Variants in TLN2 observed in about 807,000 individuals in gnomAD.
The protein encoded by TLN2 is talin-2.
Under a neutral mutation model 294.7 loss-of-function variants are expected in TLN2, and 118 were observed. The observed-to-expected ratio is 0.40, with a 90% confidence interval of 0.34 to 0.47. The LOEUF (loss-of-function observed/expected upper bound fraction) is 0.47, where lower values mean the gene tolerates loss of function less well. Among genes scored for constraint, TLN2 ranks in the 20% least tolerant of loss-of-function variants. TLN2 has a pLI of 0.84. For synonymous variants in TLN2, 1,431 were observed against 1,304.5 expected (o/e 1.10, Z -2.09); for missense variants, 3,083 against 3,282.2 (o/e 0.94, Z 1.48).
At chr15:62,619,846 T>A (rs557238224) in intron 3 of TLN2, among the ~76,000 whole-genome samples, 2 of 152,222 alleles carry the variant, frequency 1.3e-5, no homozygotes, top group Admixed American at 6.5e-5. Flanking sequence ...TCCTATTGTT[T>A]TAGGACACCA....
intron 1 of TLN2, among the ~76,000 whole-genome samples, chr15:62,394,265 T>A (rs975625718): frequency 6.6e-5 from 10 of 152,228 alleles, no homozygotes; most frequent in African/African-American, 2.4e-4. Flanking sequence ...AGACAGTTTC[T>A]ACAACTTGTG....
intron 2 of TLN2, among the ~76,000 whole-genome samples, chr15:62,604,570 A>T (rs1395753746): frequency 6.6e-6 from 1 of 150,406 alleles, no homozygotes; most frequent in Non-Finnish European, 1.5e-5. Flanking sequence ...GGCGATTGTC[A>T]ACAGTATATT....
At chr15:62,753,751 G>T (rs189109515) in intron 35 of TLN2, 22 bp from the exon 36 acceptor site, 5 of 1,590,272 alleles carry the variant, frequency 3.1e-6, no homozygotes, top group African/African-American at 2.7e-5. Context: ...CCTGAGCTGT[G>T]GTTTTTCTCT....
At chr15:62,783,682 T>C in intron 44 of TLN2, 89 bp from the exon 45 acceptor site, 1 of 1,469,324 alleles carries the variant, frequency 6.8e-7, no homozygotes, top group South Asian at 1.4e-5. Context: ...ACCCTTTGGC[T>C]TCCAGTGATA....
At chr15:62,489,967 C>A (rs1280724261) in intron 1 of TLN2, among the ~76,000 whole-genome samples, 1 of 152,204 alleles carries the variant, frequency 6.6e-6, no homozygotes, top group African/African-American at 2.4e-5. Flanking sequence ...AAAGAACCAC[C>A]TAGTTATGCC....
chr15:62,752,583 T>C (rs1427361172), intron 35 of TLN2, among the ~76,000 whole-genome samples, 156 bp downstream of exon 35: 2 of 152,130 alleles, frequency 1.3e-5, no homozygotes, highest in Non-Finnish European at 2.9e-5. Flanking sequence ...ACACAAAACA[T>C]GAGCCAGTTA....
intron 1 of TLN2, among the ~76,000 whole-genome samples, chr15:62,434,344 A>T (rs1172285891): frequency 1.3e-5 from 2 of 152,244 alleles, no homozygotes; most frequent in African/African-American, 4.8e-5. Flanking sequence ...CTATTAGATT[A>T]TATAGAATAG....
chr15:62,463,650 C>T (rs1439904127), intron 1 of TLN2, among the ~76,000 whole-genome samples: 1 of 152,178 alleles, frequency 6.6e-6, no homozygotes, highest in Non-Finnish European at 1.5e-5. Context: ...CTTTGCGACG[C>T]TGAGATGGAT....
At chr15:62,722,874 G>A (rs1489165906) in intron 26 of TLN2, among the ~76,000 whole-genome samples, 1 of 152,172 alleles carries the variant, frequency 6.6e-6, no homozygotes, top group Admixed American at 6.5e-5. Context: ...GTATCATTTT[G>A]TGAACTTAAT....
chr15:62,817,483 A>G (rs1407440194), intron 52 of TLN2, among the ~76,000 whole-genome samples: 2 of 152,234 alleles, frequency 1.3e-5, no homozygotes, highest in African/African-American at 4.8e-5. Context: ...GAAGATGAGG[A>G]TAGATACATG....
At chr15:62,515,805 G>A (rs937776002) in intron 1 of TLN2, among the ~76,000 whole-genome samples, 1 of 152,172 alleles carries the variant, frequency 6.6e-6, no homozygotes, top group African/African-American at 2.4e-5. Context: ...AGGTCGTAAA[G>A]TATAAATAAA....
intron 1 of TLN2, among the ~76,000 whole-genome samples, chr15:62,532,619 T>C (rs186998466): frequency 6.6e-6 from 1 of 152,316 alleles, no homozygotes; most frequent in Admixed American, 6.5e-5. Flanking sequence ...AACCTTTTTT[T>C]AGAAAAGCAT....
At chr15:62,810,313 G>C (rs996565345) in intron 52 of TLN2, among the ~76,000 whole-genome samples, 2 of 152,200 alleles carry the variant, frequency 1.3e-5, no homozygotes, top group Non-Finnish European at 2.9e-5. Context: ...AGGGAGCAGA[G>C]TGAAGGACAA....
At chr15:62,511,979 G>A (rs2039961383) in intron 1 of TLN2, among the ~76,000 whole-genome samples, 2 of 152,128 alleles carry the variant, frequency 1.3e-5, no homozygotes, top group South Asian at 2.1e-4. Context: ...GTGCCCTGGT[G>A]TCTAGTCCTG....
At position 62,696,739 on chromosome 15, in the gene TLN2, T is replaced by G. The variant is rs536066034; in HGVS notation, c.1293-949T>G. On this transcript the variant is annotated intron_variant, in intron 14 of 58. Transcript: ENST00000636159. ...AATAAATTTTAAAAAATGCAATTTT[T>G]TCCATTAGATACCTTAAGAATCTTC... Among the ~76,000 whole-genome samples the G allele has an allele frequency of 2.7e-4, 41 of 152,314 alleles. 3 individuals are homozygous for G. Among genetic ancestry groups the G allele is most frequent in the African/African-American group, 7.0e-4 (29 of 41,574 alleles).
chr15:62,691,040 G>A (rs757746548), intron 12 of TLN2, among the ~76,000 whole-genome samples: 2,988 of 140,542 alleles, frequency 0.021, 61 homozygotes, highest in Middle Eastern at 0.047. Flanking sequence ...GAGAGGGAGA[G>A]GGAGAGGGGG....
chr15:62,661,736 CAG>C (rs1158445365), intron 9 of TLN2, among the ~76,000 whole-genome samples: 2 of 152,050 alleles, frequency 1.3e-5, no homozygotes, highest in Admixed American at 6.5e-5. Context: ...GAGAGAATGA[CAG>C]AGAAAAGTTT....
rs187930198 is a variant in TLN2, at chr15:62,752,866, C to T, written c.4332+439C>T. 2.8e-3 allele frequency among the ~76,000 whole-genome samples: 427 copies of T among 152,168 alleles called. 3 individuals are homozygous for T. Among genetic ancestry groups the T allele is most frequent in the Admixed American group, 4.8e-3 (74 of 15,288 alleles). ...GACATGATATGGCACATTCCTTGCC[C>T]TTCTTTGACTATCCTCTGTATTTTC... On this transcript the variant is annotated intron_variant, in intron 35 of 58. Coordinates refer to ENST00000636159, the MANE Select transcript of TLN2 (RefSeq NM_015059.3).
chr15:62,656,103 TCAGA>T lies in TLN2; in HGVS notation c.660+20_660+23del, dbSNP rs747327475. ...TATGTTCAGGTACAGTATTTACTGC[TCAGA>T]CACTGAGGTTGGTGAGATTGCAGGA... On this transcript the variant is annotated intron_variant, in intron 8 of 58. Coordinates refer to ENST00000636159, the MANE Select transcript of TLN2 (RefSeq NM_015059.3). 1 of 1,611,402 alleles carries T rather than the reference TCAGA, an allele frequency of 6.2e-7. No homozygotes were observed. Among genetic ancestry groups the T allele is most frequent in the South Asian group, 1.1e-5 (1 of 90,982 alleles).
Sources: allele counts gnomAD v4.1 joint callset (sites outside exome capture counted in the v4.1 genomes callset), GRCh38; gene constraint gnomAD v4.1.1; transcripts MANE v1.5; gene names NCBI Gene and HGNC (gene_info 2026-07-23, HGNC 2026-07-21).